The following NF1 variants were observed in gnomAD, a reference collection of about 807,000 sequenced individuals.
NF1 encodes neurofibromin.
NF1 carries 122 observed loss-of-function variants against 325.7 expected under a neutral mutation model. The observed-to-expected ratio is 0.37, with a 90% CI of 0.32 to 0.44. NF1 has a LOEUF of 0.44. Among genes scored for constraint, NF1 ranks in the 20% least tolerant of loss-of-function variants. NF1 has a pLI of 1.00. For synonymous variants in NF1, 1,091 were observed against 1,186.0 expected (o/e 0.92, Z 1.65); for missense variants, 2,140 against 3,415.4 (o/e 0.63, Z 9.31).
intron 1 of NF1, among the ~76,000 whole-genome samples, chr17:31,118,935 TCTC>T (rs1914188380): frequency 1.0e-5 from 1 of 100,346 alleles, no homozygotes; most frequent in Non-Finnish European, 2.8e-5. Flanking sequence ...TATGTCTCTC[TCTC>T]TTTTTTTTTT....
At chr17:31,332,009 T>C (rs2151546826) in intron 39 of NF1, 1 of 146,752 alleles carries the variant, frequency 6.8e-6, no homozygotes, top group East Asian at 2.0e-4. Flanking sequence ...GCTTTCTAGA[T>C]GAGTAAGGAC....
At chr17:31,361,644 A>C (rs1371109485) in intron 57 of NF1, 4 of 152,202 alleles carry the variant, frequency 2.6e-5, no homozygotes, top group Admixed American at 6.5e-5. Context: ...AAAAGTTACT[A>C]TATATAGTTC....
chr17:31,095,444 C>G (rs2143147980), intron 1 of NF1, 75 bp downstream of exon 1: 1 of 1,376,866 alleles, frequency 7.3e-7, no homozygotes, highest in Non-Finnish European at 9.7e-7. Flanking sequence ...GAGGTAGGAG[C>G]GGCCGCCTCC....
At chr17:31,157,708 C>A (rs1029566550) in intron 2 of NF1, among the ~76,000 whole-genome samples, 4 of 151,552 alleles carry the variant, frequency 2.6e-5, no homozygotes, top group Non-Finnish European at 5.9e-5. Flanking sequence ...GCCTGTAATC[C>A]CAGCACTTTG....
intron 1 of NF1, among the ~76,000 whole-genome samples, chr17:31,097,081 G>T (rs1324746616): frequency 6.6e-6 from 1 of 152,072 alleles, no homozygotes; most frequent in Non-Finnish European, 1.5e-5. Context: ...ATTTTTTTCA[G>T]TTTTTTCTTA....
At chr17:31,247,825 A>G (rs1025101166) in intron 29 of NF1, among the ~76,000 whole-genome samples, 2 of 152,250 alleles carry the variant, frequency 1.3e-5, no homozygotes, top group African/African-American at 4.8e-5. Context: ...ATCTTCATCT[A>G]TCAACATGGA....
At position 31,305,626 on chromosome 17, in the gene NF1, G is replaced by A. The variant is rs141059622; in HGVS notation, c.4836-20194G>A. ...GGGATCCATTTCAGAATATTTCCTCGTTATCTATAGCGGGTTTATAATGAA... is the reference window on the plus strand; with the variant it reads ...GGGATCCATTTCAGAATATTTCCTCATTATCTATAGCGGGTTTATAATGAA... On this transcript the variant is annotated intron_variant, in intron 36 of 57. Coordinates refer to ENST00000358273, the MANE Select transcript of NF1 (RefSeq NM_001042492.3). 148 of 1,603,490 alleles carry A rather than the reference G, an allele frequency of 9.2e-5. No homozygotes were observed. The East Asian group carries it at 1.2e-3, about 13-fold the overall frequency.
At chr17:31,201,345 C>T (rs919871794) in intron 10 of NF1, 66 bp from the exon 11 acceptor site, 6 of 1,490,846 alleles carry the variant, frequency 4.0e-6, no homozygotes, top group Non-Finnish European at 5.5e-6. Flanking sequence ...TTCTTTTTGG[C>T]TTCATTTGTA....
intron 36 of NF1, among the ~76,000 whole-genome samples, chr17:31,283,815 C>T (rs1418894854): frequency 6.6e-6 from 1 of 152,084 alleles, no homozygotes; most frequent in Admixed American, 6.5e-5. Flanking sequence ...TATAGACCTA[C>T]ATGACTACGG....
chr17:31,173,186 G>A (rs1022933091), intron 5 of NF1, among the ~76,000 whole-genome samples: 1 of 152,196 alleles, frequency 6.6e-6, no homozygotes, highest in African/African-American at 2.4e-5. Flanking sequence ...GGAGGCTGAG[G>A]CAGGTGGATC....
intron 1 of NF1, among the ~76,000 whole-genome samples, chr17:31,142,728 G>T (rs1916313801): frequency 6.6e-6 from 1 of 152,052 alleles, no homozygotes; most frequent in African/African-American, 2.4e-5. Context: ...TTAACCGGGT[G>T]TGGTGGCAGG....
chr17:31,318,245 C>T lies in NF1; in HGVS notation c.4836-7575C>T. ...AGAACAACACTTTGGGATTAAATAC[C>T]AACTGACTTCATTTTTACTCCATAA... is the stretch of plus-strand genomic sequence containing the variant. On this transcript the variant is annotated intron_variant, in intron 36 of 57. Coordinates refer to ENST00000358273, the MANE Select transcript of NF1 (RefSeq NM_001042492.3). 2.6e-6 allele frequency: 4 copies of T among 1,533,896 alleles called. No individual in the cohort carries two copies. The South Asian group carries it at 5.2e-5, about 20-fold the overall frequency.
intron 36 of NF1, among the ~76,000 whole-genome samples, chr17:31,274,543 TATA>T (rs2067965507): frequency 6.6e-6 from 1 of 152,106 alleles, no homozygotes; most frequent in South Asian, 2.1e-4. Flanking sequence ...ATATGGTACA[TATA>T]ATAACTTCAC....
rs1911528222 is a variant in NF1 at position 31,095,154 on chromosome 17, C to T, written c.-156C>T. On this transcript the variant is annotated 5_prime_UTR_variant, in exon 1 of 58. Transcript: ENST00000358273. Reference sequence around the variant, plus strand: ...CTCTCCCCCTCCCGCTCGGCGCTGACCCCCCATCCCCACCCCCGTGGGAAC... The same window carrying T: ...CTCTCCCCCTCCCGCTCGGCGCTGATCCCCCATCCCCACCCCCGTGGGAAC... 1.9e-6 allele frequency: 1 copy of T among 533,474 alleles called. No homozygotes were observed. Among genetic ancestry groups the T allele is most frequent in the Non-Finnish European group, 3.5e-6 (1 of 287,504 alleles). The allele number at this position is 533,474 out of a possible 1,614,324, so 33.0% of individuals were successfully genotyped here.
chr17:31,343,543 T>C (rs1181136470), intron 48 of NF1, among the ~76,000 whole-genome samples: 1 of 152,182 alleles, frequency 6.6e-6, no homozygotes, highest in Non-Finnish European at 1.5e-5. Context: ...AGACTTTGTC[T>C]CAAAAAATAA....
intron 1 of NF1, among the ~76,000 whole-genome samples, chr17:31,119,520 C>T (rs1330670500): frequency 2.0e-5 from 3 of 150,966 alleles, no homozygotes; most frequent in African/African-American, 4.9e-5. Context: ...AGCCCTTGGT[C>T]AGATGGAGAG....
chr17:31,139,103 G>A (rs1335212247), intron 1 of NF1, among the ~76,000 whole-genome samples: 2 of 151,688 alleles, frequency 1.3e-5, no homozygotes, highest in Admixed American at 6.6e-5. Flanking sequence ...GCTAGAGTGC[G>A]GTGGCATGAT....
intron 3 of NF1, among the ~76,000 whole-genome samples, chr17:31,162,733 A>C (rs189173898): frequency 1.3e-4 from 20 of 152,376 alleles, no homozygotes; most frequent in Non-Finnish European, 2.4e-4. Flanking sequence ...TTGAGTAGGT[A>C]GTGTCTGTTT....
intron 1 of NF1, among the ~76,000 whole-genome samples, chr17:31,121,494 G>A (rs547926059): frequency 4.2e-5 from 6 of 143,974 alleles, no homozygotes; most frequent in Non-Finnish European, 6.0e-5. Context: ...TCCGCCTCCC[G>A]TGTTCACGCC....
Sources: gnomAD v4.1 joint callset for allele counts (sites outside exome capture counted in the v4.1 genomes callset) on GRCh38, gnomAD v4.1.1 for gene constraint, MANE v1.5 for transcripts, NCBI Gene and HGNC (gene_info 2026-07-23, HGNC 2026-07-21) for gene names.